The following NIBAN1 variants were observed in gnomAD, a reference collection of about 807,000 sequenced individuals.
NIBAN1 encodes the protein protein Niban 1.
NIBAN1 carries 81 observed loss-of-function variants against 75.1 expected under a neutral mutation model. The ratio of observed to expected loss-of-function variants is 1.08; its 90% CI spans 0.90 to 1.30. The LOEUF is 1.30. NIBAN1 is among the 50% of genes most tolerant of loss of function. The pLI is 0.00. For missense variants in NIBAN1, 1,133 were observed against 1,128.1 expected (o/e 1.00, Z -0.06); for synonymous variants, 436 against 424.8 (o/e 1.03, Z -0.32).
intron 6 of NIBAN1, among the ~76,000 whole-genome samples, chr1:184,826,120 C>T (rs1571496295): frequency 6.6e-6 from 1 of 152,146 alleles, no homozygotes; most frequent in Non-Finnish European, 1.5e-5. Flanking sequence ...TATCCAGTCC[C>T]ACTGTGCCTG....
At chr1:184,919,505 T>C (rs570722626) in intron 1 of NIBAN1, among the ~76,000 whole-genome samples, 99 of 152,272 alleles carry the variant, frequency 6.5e-4, no homozygotes, top group African/African-American at 2.3e-3. Flanking sequence ...AAGGGGAAAA[T>C]AACCACGTTT....
intron 4 of NIBAN1, among the ~76,000 whole-genome samples, chr1:184,886,264 C>A (rs7513625): frequency 6.6e-6 from 1 of 152,134 alleles, no homozygotes; most frequent in Non-Finnish European, 1.5e-5. Flanking sequence ...TCATGCCCAG[C>A]GCCCACACTC....
intron 1 of NIBAN1, among the ~76,000 whole-genome samples, chr1:184,952,457 G>A (rs1416313039): frequency 2.6e-5 from 4 of 152,192 alleles, no homozygotes; most frequent in African/African-American, 9.7e-5. Context: ...GGTTTTAAGG[G>A]CTAAACCAGG....
chr1:184,951,175 CCA>C (rs1191592912), intron 1 of NIBAN1, among the ~76,000 whole-genome samples: 2 of 152,194 alleles, frequency 1.3e-5, no homozygotes, highest in African/African-American at 4.8e-5. Flanking sequence ...GTGGCCTTTG[CCA>C]CAGTCTCCCT....
At position 184,806,038 on chromosome 1, in the gene NIBAN1, A is replaced by C. The variant is rs1418000855; in HGVS notation, c.1354T>G (p.Phe452Val). Residue 452 changes from phenylalanine to valine, a missense_variant, in exon 11 of 14, where the codon TTC becomes GTC. Phe to Val is a conservative substitution (Grantham distance 50). Coordinates refer to ENST00000367511, the MANE Select transcript of NIBAN1 (RefSeq NM_052966.4). ...GGGGAAAGCAACTGCTCAAAAGTGA[A>C]CACTGCATTCTCCATTAGCTAGAAA... ...YMQELMENAV[F>V]TFEQLLSPHL... 2 of 1,614,060 alleles carry C rather than the reference A, an allele frequency of 1.2e-6. No individual in the cohort carries two copies. The highest frequency in any genetic ancestry group is 1.7e-6 in the Non-Finnish European group (2 of 1,179,976).
At position 184,806,060 on chromosome 1, in the gene NIBAN1, GA is replaced by G. The variant is rs1654189204; in HGVS notation, c.1336-5del. 3.7e-6 allele frequency: 6 copies of G among 1,611,922 alleles called. No individual in the cohort carries two copies. The South Asian group carries it at 6.6e-5, about 18-fold the overall frequency. ...TGAACACTGCATTCTCCATTAGCTA[GA>G]AACCAGAAGCGACACAGAAACAGAC... On this transcript the variant is annotated splice_polypyrimidine_tract_variant and splice_region_variant and intron_variant, in intron 10 of 13. Coordinates refer to ENST00000367511, the MANE Select transcript of NIBAN1 (RefSeq NM_052966.4).
chr1:184,894,257 T>C, intron 2 of NIBAN1, 51 bp from the exon 3 acceptor site: 2 of 1,525,790 alleles, frequency 1.3e-6, no homozygotes, highest in Non-Finnish European at 1.8e-6. Flanking sequence ...TAACACACCT[T>C]GTTACCACAA....
At chr1:184,823,089 C>T (rs1306610800) in intron 8 of NIBAN1, 78 bp downstream of exon 8, 2 of 1,496,548 alleles carry the variant, frequency 1.3e-6, no homozygotes, top group South Asian at 1.3e-5. Flanking sequence ...CCTCTGAAAC[C>T]ATGCATTCCT....
At chr1:184,969,148 C>A (rs1051568838) in intron 1 of NIBAN1, among the ~76,000 whole-genome samples, 1 of 152,190 alleles carries the variant, frequency 6.6e-6, no homozygotes, top group Non-Finnish European at 1.5e-5. Flanking sequence ...TTCATGTGGA[C>A]AGCTAAAATT....
chr1:184,925,197 A>ATC (rs1657651288), intron 1 of NIBAN1, among the ~76,000 whole-genome samples: 1 of 151,890 alleles, frequency 6.6e-6, no homozygotes, highest in Non-Finnish European at 1.5e-5. Flanking sequence ...TTATTTTGAA[A>ATC]TCTATTTTAT....
At chr1:184,938,204 A>G (rs1461480605) in intron 1 of NIBAN1, among the ~76,000 whole-genome samples, 1 of 152,230 alleles carries the variant, frequency 6.6e-6, no homozygotes, top group Non-Finnish European at 1.5e-5. Flanking sequence ...TTAGGAGATC[A>G]GTTACAATTT....
chr1:184,857,212 A>G (rs779383957), intron 5 of NIBAN1, among the ~76,000 whole-genome samples: 3 of 152,170 alleles, frequency 2.0e-5, no homozygotes, highest in Non-Finnish European at 4.4e-5. Context: ...CCTAACTGGG[A>G]TCAAGATGCT....
At chr1:184,914,686 C>T (rs535600211) in intron 1 of NIBAN1, among the ~76,000 whole-genome samples, 1 of 150,986 alleles carries the variant, frequency 6.6e-6, no homozygotes, top group African/African-American at 2.4e-5. Context: ...TCTCATCTCA[C>T]ATACTTTTAC....
intron 5 of NIBAN1, among the ~76,000 whole-genome samples, chr1:184,842,446 T>C (rs993620357): frequency 6.6e-6 from 1 of 152,140 alleles, no homozygotes; most frequent in Admixed American, 6.5e-5. Context: ...GGAGAGTGGT[T>C]CTCAAATCAG....
rs150022642 is a variant in NIBAN1 at position 184,948,577 on chromosome 1, C to T, written c.55+25725G>A. On this transcript the variant is annotated intron_variant, in intron 1 of 13. Coordinates refer to ENST00000367511, the MANE Select transcript of NIBAN1 (RefSeq NM_052966.4). ...ATAAATATTTATGCATTAGGATGTT[C>T]ACTAAAATATTATTTATAATAATGA... Among the ~76,000 whole-genome samples, 227 of 152,142 alleles carry T rather than the reference C, an allele frequency of 1.5e-3. 1 individual carries two copies. Among genetic ancestry groups the T allele is most frequent in the African/African-American group, 5.3e-3 (222 of 41,502 alleles).
intron 6 of NIBAN1, among the ~76,000 whole-genome samples, chr1:184,823,974 C>A (rs1374414236): frequency 1.3e-5 from 2 of 152,230 alleles, no homozygotes; most frequent in Admixed American, 1.3e-4. Flanking sequence ...GATATTCTCA[C>A]CTTGTTGTTT....
chr1:184,875,139 T>A (rs1656199489), intron 5 of NIBAN1, among the ~76,000 whole-genome samples: 2 of 152,206 alleles, frequency 1.3e-5, no homozygotes, highest in African/African-American at 4.8e-5. Flanking sequence ...TATCCAAACT[T>A]GTGAGATTCA....
intron 2 of NIBAN1, among the ~76,000 whole-genome samples, chr1:184,897,102 A>G (rs1014103235): frequency 5.9e-5 from 9 of 152,170 alleles, no homozygotes; most frequent in Admixed American, 3.3e-4. Context: ...TTTGATAGCA[A>G]TTGAATTGGA....
At chr1:184,907,067 C>T (rs1657124697) in intron 1 of NIBAN1, among the ~76,000 whole-genome samples, 1 of 152,120 alleles carries the variant, frequency 6.6e-6, no homozygotes, top group Non-Finnish European at 1.5e-5. Flanking sequence ...TAGAAAAGCA[C>T]AAAAATGTAC....
Sources: gnomAD v4.1 joint callset for allele counts (sites outside exome capture counted in the v4.1 genomes callset) on GRCh38, gnomAD v4.1.1 for gene constraint, MANE v1.5 for transcripts, NCBI Gene and HGNC (gene_info 2026-07-23, HGNC 2026-07-21) for gene names.